The following ROPN1L variants were observed in gnomAD, a reference collection of about 807,000 sequenced individuals.
The protein encoded by ROPN1L is rhophilin associated tail protein 1 like.
In ROPN1L, 23 loss-of-function variants were observed where a neutral mutation model predicts 22.7. The observed-to-expected ratio is 1.01, with a 90% CI of 0.73 to 1.43. The LOEUF (loss-of-function observed/expected upper bound fraction) is 1.43, where lower values mean the gene tolerates loss of function less well. ROPN1L is among the 40% of genes most tolerant of loss of function. The pLI is 0.00. For missense variants in ROPN1L, 271 were observed against 291.5 expected (o/e 0.93, Z 0.51); for synonymous variants, 116 against 117.8 (o/e 0.98, Z 0.10).
chr5:10,454,514 G>C (rs1437031892), intron 3 of ROPN1L, among the ~76,000 whole-genome samples: 2 of 152,040 alleles, frequency 1.3e-5, no homozygotes, highest in African/African-American at 4.8e-5. Context: ...TTTAAGCATG[G>C]AGATCTTTTT....
chr5:10,464,434 C>A (rs781043784), intron 4 of ROPN1L, among the ~76,000 whole-genome samples: 2 of 152,256 alleles, frequency 1.3e-5, no homozygotes, highest in African/African-American at 2.4e-5. Context: ...ATCCGCGCAC[C>A]TCTTCTCTTC....
chr5:10,454,308 A>G (rs1218272365), intron 3 of ROPN1L, among the ~76,000 whole-genome samples: 2 of 152,072 alleles, frequency 1.3e-5, no homozygotes, highest in African/African-American at 4.8e-5. Flanking sequence ...TTTTTTGTAG[A>G]GACAAGTATC....
chr5:10,458,768 CT>C (rs1734925599), intron 3 of ROPN1L, among the ~76,000 whole-genome samples: 4 of 89,738 alleles, frequency 4.5e-5, no homozygotes, highest in African/African-American at 1.2e-4. Flanking sequence ...ACACCATCCC[CT>C]CGTGTACACC....
chr5:10,442,271 C>A lies in ROPN1L; in HGVS notation c.104C>A (p.Pro35Gln). ...ACCAAGGCTGCCATCCGCACCCAGC[C>A]GGCCGACGTGCTGCGGTGGTCCGCG... ...QFTKAAIRTQ[P>Q]ADVLRWSAGY... The change falls in exon 1 of 5, where the codon CCG becomes CAG. Residue 35 changes from proline (P) to glutamine (Q), a missense_variant. Transcript: ENST00000274134. 6.2e-7 allele frequency: 1 copy of A among 1,613,654 alleles called. No homozygotes were observed. The highest frequency in any genetic ancestry group is 8.5e-7 in the Non-Finnish European group (1 of 1,179,894).
intron 2 of ROPN1L, among the ~76,000 whole-genome samples, chr5:10,449,680 A>T (rs1289274369): frequency 6.6e-6 from 1 of 152,178 alleles, no homozygotes; most frequent in Non-Finnish European, 1.5e-5. Flanking sequence ...GGAGTATCGT[A>T]TACTCAATAT....
exon 5 of ROPN1L, chr5:10,471,892 C>CA (rs1464647684): frequency 2.0e-5 from 3 of 152,230 alleles, no homozygotes; most frequent in African/African-American, 4.8e-5. Context: ...GGGCTCAGAG[C>CA]ATGGAAGAGC....
the ROPN1L span, among the ~76,000 whole-genome samples, chr5:10,482,587 A>C: frequency 6.6e-6 from 1 of 152,174 alleles, no homozygotes; most frequent in Admixed American, 6.5e-5. Context: ...GTAATGGTCT[A>C]ATGGCCCAAC....
chr5:10,444,352 G>T (rs767493258), intron 1 of ROPN1L, among the ~76,000 whole-genome samples: 1 of 152,038 alleles, frequency 6.6e-6, no homozygotes, highest in Admixed American at 6.5e-5. Context: ...GTGCAATGGC[G>T]AGATCTCGGC....
downstream of ROPN1L, among the ~76,000 whole-genome samples, chr5:10,476,546 G>T (rs1017835437): frequency 1.3e-5 from 2 of 152,182 alleles, no homozygotes; most frequent in African/African-American, 4.8e-5. Context: ...CTGAGCTAAG[G>T]TTTCTGGATC....
chr5:10,465,937 G>A (rs890067140), downstream of ROPN1L, among the ~76,000 whole-genome samples: 36 of 152,204 alleles, frequency 2.4e-4, no homozygotes, highest in African/African-American at 8.4e-4. Flanking sequence ...GACTCCCTGG[G>A]AAGGGCATTG....
chr5:10,464,972 T>A lies in ROPN1L; in HGVS notation c.*25T>A. On this transcript the variant is annotated 3_prime_UTR_variant, in exon 5 of 5. Coordinates refer to ENST00000274134, the MANE Select transcript of ROPN1L (RefSeq NM_031916.5). ...ATACAGAGAAGAATACATTTTAATG[T>A]CAAAATAGTGCTCTTTAAAATTCTG... 1 of 1,360,960 alleles carries A rather than the reference T, an allele frequency of 7.3e-7. No individual in the cohort carries two copies. The highest frequency in any genetic ancestry group is 2.3e-5 in the East Asian group (1 of 42,944). The allele number at this position is 1,360,960 out of a possible 1,614,324, so 84.3% of individuals were successfully genotyped here. A position where few individuals can be genotyped will look rare whatever the true frequency, so the allele number is the denominator to read the frequency against.
At chr5:10,465,436 A>C (rs1735136226), downstream of ROPN1L, among the ~76,000 whole-genome samples, 9 of 151,406 alleles carry the variant, frequency 5.9e-5, no homozygotes, top group Non-Finnish European at 1.5e-5. Flanking sequence ...AATGGTGTGA[A>C]CCTGGGAGGC....
downstream of ROPN1L, among the ~76,000 whole-genome samples, chr5:10,469,244 G>A (rs1369883417): frequency 6.6e-6 from 1 of 151,966 alleles, no homozygotes; most frequent in African/African-American, 2.4e-5. Flanking sequence ...GGAGGCCAAG[G>A]TGGGAGGATT....
At chr5:10,445,614 C>T (rs1741032043) in intron 1 of ROPN1L, among the ~76,000 whole-genome samples, 1 of 152,146 alleles carries the variant, frequency 6.6e-6, no homozygotes, top group Non-Finnish European at 1.5e-5. Flanking sequence ...AGGATACCCA[C>T]GGACATAACT....
At chr5:10,463,222 C>T (rs567219386) in intron 4 of ROPN1L, among the ~76,000 whole-genome samples, 4 of 152,324 alleles carry the variant, frequency 2.6e-5, no homozygotes, top group Non-Finnish European at 5.9e-5. Flanking sequence ...TCACCTGTAA[C>T]ATTTTTAAAC....
At chr5:10,449,424 C>T (rs1197794831) in intron 2 of ROPN1L, among the ~76,000 whole-genome samples, 2 of 152,082 alleles carry the variant, frequency 1.3e-5, no homozygotes, top group African/African-American at 2.4e-5. Context: ...GAGGCTGAGG[C>T]GGAAGAATTA....
At chr5:10,472,682 T>G (rs1337890756), downstream of ROPN1L, among the ~76,000 whole-genome samples, 1 of 151,766 alleles carries the variant, frequency 6.6e-6, no homozygotes, top group African/African-American at 2.4e-5. Flanking sequence ...TCAAGGAGAG[T>G]GGATTATACA....
the ROPN1L span, among the ~76,000 whole-genome samples, chr5:10,477,712 T>TGAGGTCAGGATCAAA: frequency 6.6e-6 from 1 of 152,066 alleles, no homozygotes; most frequent in Admixed American, 6.5e-5. Flanking sequence ...ATCGGATCAT[T>TGAGGTCAGGATCAAA]TGAGGTCAGG....
At chr5:10,482,356 A>G in the ROPN1L span, 3 of 152,350 alleles carry the variant, frequency 2.0e-5, no homozygotes, top group East Asian at 5.8e-4. Context: ...CTGTATCATA[A>G]ACAGTTCCTC....
Sources: allele counts gnomAD v4.1 joint callset (sites outside exome capture counted in the v4.1 genomes callset), GRCh38; gene constraint gnomAD v4.1.1; transcripts MANE v1.5; gene names NCBI Gene and HGNC (gene_info 2026-07-23, HGNC 2026-07-21).